Variants in HERC2 observed in about 807,000 individuals in gnomAD.
HERC2 encodes the protein HECT and RLD domain containing E3 ubiquitin protein ligase 2, also known as E3 ubiquitin-protein ligase HERC2.
HERC2 carries 102 observed loss-of-function variants against 537.7 expected under a neutral mutation model. The ratio of observed to expected loss-of-function variants is 0.19; its 90% CI spans 0.16 to 0.22. The LOEUF is 0.22. Ranked by LOEUF, HERC2 falls within the 10% of genes least tolerant of loss-of-function variation. HERC2 has a pLI of 1.00. For missense variants in HERC2, 4,236 were observed against 6,198.2 expected (o/e 0.68, Z 10.63); for synonymous variants, 2,224 against 2,466.2 (o/e 0.90, Z 2.91).
Position 28,130,514 on chromosome 15 carries a change from A to T in HERC2, c.12651T>A (p.Ala4217=), listed in dbSNP as rs1298489522. ...AGAATCTTGCGTACCAGGTATAAAC[A>T]GCTCCAGATTTGGTAAGGGCAACAG... ...QFSVALTKSG[A]VYTWGKGDYH... Residue 4217 remains alanine, a synonymous_variant, in exon 82 of 93, where the codon GCT becomes GCA. Coordinates refer to ENST00000261609, the MANE Select transcript of HERC2 (RefSeq NM_004667.6). 2 of 1,613,836 alleles carry T rather than the reference A, an allele frequency of 1.2e-6. No individual in the cohort carries two copies. The highest frequency in any genetic ancestry group is 1.7e-6 in the Non-Finnish European group (2 of 1,179,744).
chr15:28,184,855 C>T (rs1896154353), intron 56 of HERC2, among the ~76,000 whole-genome samples: 1 of 150,118 alleles, frequency 6.7e-6, no homozygotes. Flanking sequence ...GAGCAAGACT[C>T]CGTCTCAAAA....
intron 14 of HERC2, among the ~76,000 whole-genome samples, chr15:28,263,810 T>C (rs1309593943): frequency 6.6e-6 from 1 of 151,656 alleles, no homozygotes; most frequent in Non-Finnish European, 1.5e-5. Context: ...GGCGGGCGGA[T>C]CACTTGAGCC....
At chr15:28,182,288 T>C (rs919803182) in intron 57 of HERC2, 113 bp downstream of exon 57, 22 of 616,792 alleles carry the variant, frequency 3.6e-5, no homozygotes, top group Middle Eastern at 4.5e-4. Flanking sequence ...TGTCTTTTAG[T>C]TCGTGTAAAG....
chr15:28,300,254 C>A (rs1409167181), intron 2 of HERC2, among the ~76,000 whole-genome samples: 1 of 150,798 alleles, frequency 6.6e-6, no homozygotes, highest in Admixed American at 6.6e-5. Context: ...ACTTCTGAAA[C>A]ATACATGACT....
Position 28,132,846 on chromosome 15 carries a change from C to CA in HERC2, c.12231-17dup. 1 of 1,517,522 alleles carries CA rather than the reference C, an allele frequency of 6.6e-7. No individual in the cohort carries two copies. Among genetic ancestry groups the CA allele is most frequent in the Non-Finnish European group, 8.9e-7 (1 of 1,127,934 alleles). 94.0% of individuals were successfully genotyped at this position (1,517,522 alleles called of 1,614,324 possible). A position where few individuals can be genotyped will look rare whatever the true frequency, so the allele number is the denominator to read the frequency against. ...GTCACACGGACTGCAAAAAAGTCAC[C>CA]AAATATAATGGAAACACATTTTTAT... On this transcript the variant is annotated splice_polypyrimidine_tract_variant and intron_variant, in intron 79 of 92. Coordinates refer to ENST00000261609, the MANE Select transcript of HERC2 (RefSeq NM_004667.6).
rs200971181 is a variant in HERC2 at position 28,121,449 on chromosome 15, C to T, written c.13189-20G>A. ...CGCCTCCTAAAACACATCAAACAGA[C>T]AAAATTTAGAATCTGATATGGAAAG... On this transcript the variant is annotated intron_variant, in intron 85 of 92. Coordinates refer to ENST00000261609, the MANE Select transcript of HERC2 (RefSeq NM_004667.6). 2 of 1,585,136 alleles carry T rather than the reference C, an allele frequency of 1.3e-6. No individual in the cohort carries two copies. Among genetic ancestry groups the T allele is most frequent in the African/African-American group, 1.3e-5 (1 of 74,448 alleles).
chr15:28,219,945 T>C (rs890735942), intron 37 of HERC2, among the ~76,000 whole-genome samples: 41 of 152,216 alleles, frequency 2.7e-4, no homozygotes, highest in Non-Finnish European at 3.1e-4. Flanking sequence ...TCTGCTTCCC[T>C]AGAAGCGATA....
chr15:28,276,192 C>CAAAAAAAAAAAAAAAAAA (rs11359639), intron 5 of HERC2, among the ~76,000 whole-genome samples: 3 of 70,104 alleles, frequency 4.3e-5, no homozygotes, highest in African/African-American at 1.5e-4. Context: ...TCTCAAAAAA[C>CAAAAAAAAAAAAAAAAAA]AAAAAAAAAA....
Position 28,202,162 on chromosome 15 carries a change from T to C in HERC2, c.7568A>G (p.Tyr2523Cys), listed in dbSNP as rs558966882. Residue 2523 changes from tyrosine to cysteine, a missense_variant, in exon 47 of 93, where the codon TAT (tyrosine) becomes TGT (cysteine). By Grantham distance (194) the Tyr-to-Cys change is radical. Transcript: ENST00000261609. ...LSDADTVSDE[Y>C]SDEEVVEDVD... Reference sequence around the variant, plus strand: ...GTCCTCCACCACCTCCTCGTCAGAATACTCGTCGGACACCGTGTCTGCATC... The same window carrying C: ...GTCCTCCACCACCTCCTCGTCAGAACACTCGTCGGACACCGTGTCTGCATC... 2.2e-5 allele frequency: 35 copies of C among 1,582,236 alleles called. No homozygotes were observed. The East Asian group carries it at 7.2e-4, about 32-fold the overall frequency.
chr15:28,117,190 G>A (rs1888349165), intron 86 of HERC2, 36 bp from the exon 87 acceptor site: 1 of 1,607,822 alleles, frequency 6.2e-7, no homozygotes. Flanking sequence ...TGAGGCCGCT[G>A]CCGCAGCAGG....
At chr15:28,227,198 C>T (rs1293323218) in intron 35 of HERC2, among the ~76,000 whole-genome samples, 1 of 152,026 alleles carries the variant, frequency 6.6e-6, no homozygotes, top group Admixed American at 6.6e-5. Flanking sequence ...GCGCTTGAAC[C>T]CGGGAGGCGG....
In HERC2 at chr15:28,245,756, T is replaced by A. The variant is rs943458659; in HGVS notation, c.3577+125A>T. ...ATTTGGATTATCTCCATTTTTTACT[T>A]ATACTACCATCAGTAGAAATGGCAA... On this transcript the variant is annotated intron_variant, in intron 23 of 92. Transcript: ENST00000261609. 3 of 864,472 alleles carry A rather than the reference T, an allele frequency of 3.5e-6. No homozygotes were observed. In the African/African-American group the frequency reaches 5.1e-5, roughly 15 times the overall value. The allele number at this position is 864,472 out of a possible 1,614,324, so 53.6% of individuals were successfully genotyped here.
intron 23 of HERC2, among the ~76,000 whole-genome samples, chr15:28,242,583 A>G (rs1903239650): frequency 6.6e-6 from 1 of 152,204 alleles, no homozygotes; most frequent in African/African-American, 2.4e-5. Flanking sequence ...CAAGAAAATA[A>G]AATTACAGGT....
Position 28,113,209 on chromosome 15 carries a change from T to A in HERC2, c.14094A>T (p.Ala4698=). The A allele has an allele frequency of 1.9e-6, 3 of 1,614,106 alleles. No homozygotes were observed. The highest frequency in any genetic ancestry group is 2.5e-6 in the Non-Finnish European group (3 of 1,180,032). ...VATYKGIEPS[A]SLIQWFWEVM... is the part of the protein sequence containing the mutation. ...CCTCCCAGAACCACTGGATCAGCGA[T>A]GCGGAAGGCTCGATGCCTTTATAGG... is the stretch of plus-strand genomic sequence containing the variant. Residue 4698 remains alanine (A), a synonymous_variant, in exon 92 of 93, where the codon GCA becomes GCT. Transcript: ENST00000261609. This position sits in a 1 kb window ranked among gnomAD's most constrained non-coding sequence, Gnocchi z 7.0.
chr15:28,144,834 G>A (rs547683941), intron 71 of HERC2, 30 bp from the exon 72 acceptor site: 1 of 1,613,612 alleles, frequency 6.2e-7, no homozygotes, highest in Non-Finnish European at 8.5e-7. Context: ...CCCGGGGTTA[G>A]CTTCACTCCA....
chr15:28,224,149 C>CACACACACA (rs1321759830), intron 35 of HERC2, among the ~76,000 whole-genome samples: 19,293 of 132,764 alleles, frequency 0.15, 1,769 homozygotes, highest in South Asian at 0.19. Flanking sequence ...ACACACACAC[C>CACACACACA]CACACACACA....
intron 68 of HERC2, among the ~76,000 whole-genome samples, chr15:28,163,957 C>A (rs1418876796): frequency 1.6e-4 from 24 of 152,212 alleles, no homozygotes; most frequent in Non-Finnish European, 1.9e-4. Context: ...TATGGAGGTG[C>A]CTTGCCCAGG....
chr15:28,250,184 G>A (rs1327056542), intron 20 of HERC2, among the ~76,000 whole-genome samples: 2 of 152,048 alleles, frequency 1.3e-5, no homozygotes, highest in African/African-American at 2.4e-5. Context: ...ACTTGCCCCC[G>A]TGGCTCACAC....
chr15:28,143,498 G>A (rs1162123520), intron 74 of HERC2, among the ~76,000 whole-genome samples: 1 of 151,996 alleles, frequency 6.6e-6, no homozygotes, highest in Non-Finnish European at 1.5e-5. Flanking sequence ...CCAGGCTGGA[G>A]TGTAGTGGCG....
Sources: allele counts gnomAD v4.1 joint callset (sites outside exome capture counted in the v4.1 genomes callset), GRCh38; gene constraint gnomAD v4.1.1; non-coding constraint Gnocchi (gnomAD v3.1); transcripts MANE v1.5; gene names NCBI Gene and HGNC (gene_info 2026-07-23, HGNC 2026-07-21).